KLHL5: variants seen among roughly 807,000 people sequenced by gnomAD.
KLHL5 encodes the protein kelch-like protein 5.
A neutral mutation model predicts 77.7 loss-of-function variants in KLHL5; 48 were observed. The observed-to-expected ratio is 0.62, with a 90% CI of 0.49 to 0.79. The LOEUF (loss-of-function observed/expected upper bound fraction) is 0.79, where lower values mean the gene tolerates loss of function less well. KLHL5 is among the 30% of genes least tolerant of loss of function. The probability of loss-of-function intolerance (pLI) is 0.00; values close to 1 mark genes in which losing one functional copy is unlikely to be tolerated. For missense variants in KLHL5, 723 were observed against 859.7 expected (o/e 0.84, Z 1.99); for synonymous variants, 260 against 297.0 (o/e 0.88, Z 1.28).
chr4:39,055,901 C>T (rs1383492310), intron 1 of KLHL5, among the ~76,000 whole-genome samples: 1 of 151,954 alleles, frequency 6.6e-6, no homozygotes, highest in Non-Finnish European at 1.5e-5. Flanking sequence ...CTTTTTTTGC[C>T]TTGATTTTTT....
chr4:39,120,149 C>T (rs1190251396), intron 10 of KLHL5: 1 of 152,190 alleles, frequency 6.6e-6, no homozygotes, highest in African/African-American at 2.4e-5. Context: ...TTGCATTACT[C>T]ACCCGCTGAA....
intron 4 of KLHL5, among the ~76,000 whole-genome samples, chr4:39,084,162 A>G (rs1719852705): frequency 6.6e-6 from 1 of 152,192 alleles, no homozygotes; most frequent in South Asian, 2.1e-4. Flanking sequence ...GTATATTATA[A>G]TATGGATTTA....
intron 6 of KLHL5, among the ~76,000 whole-genome samples, chr4:39,100,755 C>G (rs187976453): frequency 6.6e-6 from 1 of 152,292 alleles, no homozygotes; most frequent in Admixed American, 6.5e-5. Context: ...AAGACTTTCT[C>G]TAATCTGGCC....
intron 6 of KLHL5, among the ~76,000 whole-genome samples, chr4:39,099,576 A>T (rs6825322): frequency 0.015 from 2,222 of 152,202 alleles, 56 homozygotes; most frequent in African/African-American, 0.051. Flanking sequence ...TTTTATCCAT[A>T]TCCAGGATAT....
chr4:39,105,200 G>A (rs1245708539), intron 7 of KLHL5, among the ~76,000 whole-genome samples: 1 of 148,790 alleles, frequency 6.7e-6, no homozygotes, highest in Admixed American at 6.8e-5. Flanking sequence ...AGGCTGGAAT[G>A]CAGTGGTATG....
the KLHL5 span, among the ~76,000 whole-genome samples, chr4:39,136,562 G>A: frequency 6.6e-6 from 1 of 152,322 alleles, no homozygotes; most frequent in East Asian, 1.9e-4. Context: ...GTGGGGTATT[G>A]GAGTCCAAGC....
downstream of KLHL5, among the ~76,000 whole-genome samples, chr4:39,129,949 G>A (rs1234350654): frequency 6.6e-6 from 1 of 152,152 alleles, no homozygotes; most frequent in Non-Finnish European, 1.5e-5. The surrounding 1 kb of genome is among the most constrained non-coding windows in gnomAD (Gnocchi z 4.2). Context: ...ATGAATCCCA[G>A]CCAGAACCTG....
At chr4:39,059,100 C>G (rs964526069), upstream of KLHL5, among the ~76,000 whole-genome samples, 1 of 152,006 alleles carries the variant, frequency 6.6e-6, no homozygotes, top group African/African-American at 2.4e-5. Flanking sequence ...TACTTGGCAT[C>G]AGAGCTGGAC....
At chr4:39,049,429 C>T (rs569555507) in intron 1 of KLHL5, among the ~76,000 whole-genome samples, 1 of 152,102 alleles carries the variant, frequency 6.6e-6, no homozygotes, top group Non-Finnish European at 1.5e-5. Context: ...CAAGACTGTG[C>T]AGTCCCAGCA....
Position 39,096,793 on chromosome 4 carries a change from A to T in KLHL5, c.1215A>T (p.Arg405=), listed in dbSNP as rs767933120. Residue 405 remains arginine, a synonymous_variant, in exon 6 of 11, where the codon CGA becomes CGT. Coordinates refer to ENST00000504108, the MANE Select transcript of KLHL5 (RefSeq NM_015990.5). ...AMKYHLLPER[R]PMLQSPRTKP... is the part of the protein sequence containing the mutation. ...AGTACCATTTATTACCAGAGAGACG[A>T]CCCATGTTACAAAGTCCTCGGACAA... 6.2e-7 allele frequency: 1 copy of T among 1,613,788 alleles called. No individual in the cohort carries two copies. Among genetic ancestry groups the T allele is most frequent in the Non-Finnish European group, 8.5e-7 (1 of 1,179,692 alleles).
intron 5 of KLHL5, among the ~76,000 whole-genome samples, chr4:39,092,925 C>T (rs1192962250): frequency 6.6e-6 from 1 of 152,158 alleles, no homozygotes; most frequent in African/African-American, 2.4e-5. Flanking sequence ...ACGGGGCTGC[C>T]ACTTTAGAAA....
chr4:39,115,074 C>T (rs1044774203), intron 9 of KLHL5, 85 bp from the exon 10 acceptor site: 31 of 1,182,698 alleles, frequency 2.6e-5, no homozygotes, highest in Non-Finnish European at 3.6e-6. Context: ...GATAATGAGT[C>T]AGAAGATAGA....
intron 4 of KLHL5, among the ~76,000 whole-genome samples, chr4:39,085,887 C>T (rs901934054): frequency 6.6e-5 from 10 of 151,996 alleles, no homozygotes; most frequent in South Asian, 2.1e-4. Context: ...ATTAAAAATT[C>T]GAAAACAGAC....
At chr4:39,087,675 A>G (rs10033469) in intron 5 of KLHL5, among the ~76,000 whole-genome samples, 4,649 of 152,170 alleles carry the variant, frequency 0.031, 259 homozygotes, top group African/African-American at 0.11. Flanking sequence ...CCTTTTTACA[A>G]TTTTCACTGG....
chr4:39,135,741 T>G, the KLHL5 span: 3 of 152,060 alleles, frequency 2.0e-5, no homozygotes, highest in East Asian at 3.9e-4. Flanking sequence ...CTGTCTCTAC[T>G]AAAAATACAA....
downstream of KLHL5, among the ~76,000 whole-genome samples, chr4:39,127,660 T>G (rs1262526842): frequency 6.6e-6 from 1 of 152,106 alleles, no homozygotes; most frequent in African/African-American, 2.4e-5. Context: ...AGACAGGATC[T>G]CACGTTGTTA....
intron 6 of KLHL5, among the ~76,000 whole-genome samples, chr4:39,101,859 A>AAAAAATAT (rs1553892985): frequency 3.8e-5 from 4 of 104,756 alleles, no homozygotes; most frequent in African/African-American, 1.4e-4. Context: ...AAAAAAAAAA[A>AAAAAATAT]ATATATATAT....
At chr4:39,099,795 C>T (rs1023609453) in intron 6 of KLHL5, among the ~76,000 whole-genome samples, 4 of 152,142 alleles carry the variant, frequency 2.6e-5, no homozygotes, top group African/African-American at 9.7e-5. Context: ...AGATATAGGC[C>T]TGATGACTGC....
chr4:39,090,131 TA>T, intron 5 of KLHL5, among the ~76,000 whole-genome samples: 1 of 152,316 alleles, frequency 6.6e-6, no homozygotes, highest in South Asian at 2.1e-4. Context: ...TGTTTTATTT[TA>T]AAAGGTAGGA....
Sources: gnomAD v4.1 joint callset for allele counts (sites outside exome capture counted in the v4.1 genomes callset) on GRCh38, gnomAD v4.1.1 for gene constraint, Gnocchi (gnomAD v3.1) non-coding constraint, MANE v1.5 for transcripts, NCBI Gene and HGNC (gene_info 2026-07-23, HGNC 2026-07-21) for gene names.